Variants in AOPEP observed in about 807,000 individuals in gnomAD.
The protein encoded by AOPEP is aminopeptidase O (putative), also known as aminopeptidase O.
AOPEP carries 77 observed loss-of-function variants against 98.1 expected under a neutral mutation model. The ratio of observed to expected loss-of-function variants is 0.78; its 90% CI spans 0.65 to 0.95. The LOEUF is 0.95. Ranked by LOEUF, AOPEP falls within the 40% of genes least tolerant of loss-of-function variation. The pLI is 0.00. For synonymous variants in AOPEP, 346 were observed against 365.3 expected, an observed-to-expected ratio of 0.95 and a Z score of 0.60; for missense variants, 1,024 against 1,024.7, an observed-to-expected ratio of 1.00 and a Z score of 0.01.
chr9:95,053,087 G>C (rs2066524022), intron 13 of AOPEP, among the ~76,000 whole-genome samples: 1 of 152,132 alleles, frequency 6.6e-6, no homozygotes, highest in South Asian at 2.1e-4. Flanking sequence ...TAGAGCACAT[G>C]CTTTAATTAT....
intron 5 of AOPEP, chr9:94,921,336 C>T (rs749489637): frequency 3.2e-4 from 49 of 152,322 alleles, no homozygotes; most frequent in Non-Finnish European, 5.6e-4. Flanking sequence ...GCTGTTGAGT[C>T]CAGGCTGAGG....
intron 5 of AOPEP, among the ~76,000 whole-genome samples, chr9:94,857,389 C>G (rs1036899513): frequency 3.9e-5 from 6 of 152,162 alleles, no homozygotes; most frequent in African/African-American, 1.2e-4. Flanking sequence ...TTCCGATTTG[C>G]TTTGGTAGGA....
chr9:94,816,218 A>G (rs1851672451), intron 5 of AOPEP, among the ~76,000 whole-genome samples: 1 of 152,172 alleles, frequency 6.6e-6, no homozygotes, highest in South Asian at 2.1e-4. Context: ...AGTTGGGGTC[A>G]TTGTTAGGCA....
intron 10 of AOPEP, among the ~76,000 whole-genome samples, chr9:94,976,284 T>C (rs2059834144): frequency 6.6e-6 from 1 of 150,864 alleles, no homozygotes; most frequent in Non-Finnish European, 1.5e-5. Context: ...GTGAAGACTT[T>C]GGACCTCACT....
chr9:95,116,186 T>C, the AOPEP span, among the ~76,000 whole-genome samples: 1 of 152,248 alleles, frequency 6.6e-6, no homozygotes, highest in Non-Finnish European at 1.5e-5. Context: ...CTCCAGTACA[T>C]TTTCTGGAGC....
intron 5 of AOPEP, among the ~76,000 whole-genome samples, chr9:94,843,216 C>T (rs112740753): frequency 3.9e-5 from 6 of 152,158 alleles, no homozygotes; most frequent in Non-Finnish European, 7.3e-5. Flanking sequence ...TCTCAGGCCT[C>T]GGCACTTTTC....
intron 5 of AOPEP, among the ~76,000 whole-genome samples, chr9:94,854,997 A>G (rs533608627): frequency 6.6e-6 from 1 of 152,326 alleles, no homozygotes; most frequent in East Asian, 1.9e-4. Flanking sequence ...TACATACTCT[A>G]AACAGTACTG....
At chr9:95,096,913 G>T in the AOPEP span, among the ~76,000 whole-genome samples, 2 of 152,242 alleles carry the variant, frequency 1.3e-5, no homozygotes, top group Non-Finnish European at 2.9e-5. Context: ...CTGTGTCTAG[G>T]ATGTCGTTCC....
At chr9:95,053,531 C>T (rs759436832) in intron 13 of AOPEP, among the ~76,000 whole-genome samples, 3 of 152,158 alleles carry the variant, frequency 2.0e-5, no homozygotes, top group Non-Finnish European at 2.9e-5. Context: ...AAGGTATACT[C>T]ATATGCTGGG....
the AOPEP span, chr9:95,111,511 G>A: frequency 8.1e-6 from 13 of 1,613,988 alleles, no homozygotes; most frequent in Non-Finnish European, 1.1e-5. Flanking sequence ...CGTAGTAGAA[G>A]GCCAAGAGCC....
chr9:95,012,987 T>TGGC (rs2062664048), intron 13 of AOPEP, among the ~76,000 whole-genome samples: 1 of 62,654 alleles, frequency 1.6e-5, no homozygotes, highest in Non-Finnish European at 3.1e-5. Flanking sequence ...GTTTTTTTTT[T>TGGC]GGGGGGGGGG....
chr9:94,882,075 C>G (rs1316535849), intron 5 of AOPEP, among the ~76,000 whole-genome samples: 1 of 152,168 alleles, frequency 6.6e-6, no homozygotes, highest in African/African-American at 2.4e-5. Flanking sequence ...GCTCTAAGCT[C>G]AGCTTTAGAA....
At chr9:94,732,979 A>G (rs16911661) in intron 1 of AOPEP, among the ~76,000 whole-genome samples, 33,193 of 152,102 alleles carry the variant, frequency 0.22, 5,109 homozygotes, top group African/African-American at 0.43. Context: ...GGACTTTGAC[A>G]GTTAGTTTAT....
At chr9:94,975,203 C>T (rs1404909146) in intron 10 of AOPEP, among the ~76,000 whole-genome samples, 1 of 152,084 alleles carries the variant, frequency 6.6e-6, no homozygotes, top group African/African-American at 2.4e-5. Context: ...AACCACTGCA[C>T]TCCAGGCTGA....
the AOPEP span, chr9:95,110,182 A>AAGTT: frequency 3.5e-5 from 32 of 915,646 alleles, no homozygotes; most frequent in East Asian, 1.5e-3. Flanking sequence ...AAAAAGGACC[A>AAGTT]AGTTAGCTAG....
rs945413995 is a variant in AOPEP, at chr9:94,781,848, T to C, written c.964+8680T>C. Reference sequence around the variant, plus strand: ...GTGCTGGGATTATAGGCGTGAAAGTTTTATTTTTATAGAGTCTAATTTAGT... The same window carrying C: ...GTGCTGGGATTATAGGCGTGAAAGTCTTATTTTTATAGAGTCTAATTTAGT... On this transcript the variant is annotated intron_variant, in intron 3 of 16. Coordinates refer to ENST00000375315, the MANE Select transcript of AOPEP (RefSeq NM_001193329.3). 3.3e-5 allele frequency among the ~76,000 whole-genome samples: 5 copies of C among 151,126 alleles called. 1 individual carries two copies. The highest frequency in any genetic ancestry group is 4.4e-5 in the Non-Finnish European group (3 of 67,816).
chr9:94,918,741 C>T (rs1006864442), intron 5 of AOPEP, among the ~76,000 whole-genome samples: 1 of 152,176 alleles, frequency 6.6e-6, no homozygotes, highest in Non-Finnish European at 1.5e-5. Context: ...AATACAGTGC[C>T]TGGCACGTAG....
chr9:95,036,634 C>T (rs1440705452), intron 13 of AOPEP, among the ~76,000 whole-genome samples: 3 of 151,696 alleles, frequency 2.0e-5, no homozygotes. Flanking sequence ...TTTTATTTCT[C>T]CTCCTCCTCC....
chr9:94,792,462 A>G (rs985710929), intron 3 of AOPEP, among the ~76,000 whole-genome samples: 2 of 152,118 alleles, frequency 1.3e-5, no homozygotes, highest in Admixed American at 1.3e-4. Context: ...GTAGGAGCAT[A>G]CAGCCTGTGG....
Sources: gnomAD v4.1 joint callset for allele counts (sites outside exome capture counted in the v4.1 genomes callset) on GRCh38, gnomAD v4.1.1 for gene constraint, MANE v1.5 for transcripts, NCBI Gene and HGNC (gene_info 2026-07-23, HGNC 2026-07-21) for gene names.